CCDC171: variants seen among roughly 807,000 people sequenced by gnomAD.
CCDC171 encodes coiled-coil domain-containing protein 171.
In CCDC171, 177 loss-of-function variants were observed where a neutral mutation model predicts 168.2. That is an observed-to-expected ratio of 1.05 (90% CI 0.93 to 1.19). CCDC171 has a LOEUF of 1.19. CCDC171 is among the 50% of genes most tolerant of loss of function. The pLI is 0.00. For synonymous variants in CCDC171, 687 were observed against 540.8 expected, an observed-to-expected ratio of 1.27 and a Z score of -3.75; for missense variants, 1,991 against 1,539.0, an observed-to-expected ratio of 1.29 and a Z score of -4.91.
chr9:15,841,850 T>C (rs367774242), intron 21 of CCDC171, among the ~76,000 whole-genome samples: 2 of 152,044 alleles, frequency 1.3e-5, no homozygotes, highest in African/African-American at 4.8e-5. Context: ...TTTATGTTTA[T>C]AGTTTCTGTG....
intron 6 of CCDC171, among the ~76,000 whole-genome samples, chr9:15,613,554 C>G (rs191486608): frequency 1.4e-5 from 2 of 144,004 alleles, no homozygotes; most frequent in Admixed American, 7.0e-5. Context: ...GATGGAGTCT[C>G]GCTCTGTCGC....
intron 8 of CCDC171, among the ~76,000 whole-genome samples, chr9:15,661,667 T>C (rs912338690): frequency 3.3e-5 from 5 of 152,214 alleles, no homozygotes; most frequent in African/African-American, 2.4e-5. Flanking sequence ...GTTGAATATG[T>C]ATTTGAAATT....
chr9:15,600,357 C>G (rs1214281906), intron 6 of CCDC171, among the ~76,000 whole-genome samples: 1 of 152,168 alleles, frequency 6.6e-6, no homozygotes, highest in Non-Finnish European at 1.5e-5. Flanking sequence ...TTCTAACAGT[C>G]AGGACCCTTA....
At chr9:15,601,258 T>C (rs571724982) in intron 6 of CCDC171, among the ~76,000 whole-genome samples, 1 of 152,334 alleles carries the variant, frequency 6.6e-6, no homozygotes, top group Admixed American at 6.5e-5. Flanking sequence ...GAGCTGTTCC[T>C]ATTTGGCCAT....
chr9:15,935,836 A>G (rs1056836228), intron 25 of CCDC171, among the ~76,000 whole-genome samples: 15 of 152,254 alleles, frequency 9.9e-5, no homozygotes, highest in African/African-American at 3.6e-4. Context: ...CCTATAAGGC[A>G]AAAGCCTTAG....
downstream of CCDC171, among the ~76,000 whole-genome samples, chr9:15,978,179 GTAAATGCTTCTGTGGTTACAGA>G (rs1831678817): frequency 6.6e-6 from 1 of 152,142 alleles, no homozygotes; most frequent in African/African-American, 2.4e-5. Flanking sequence ...TGAACTCATT[GTAAATGCTTCTGTGGTTACAGA>G]AGCACCACTT....
intron 3 of CCDC171, among the ~76,000 whole-genome samples, chr9:16,015,969 T>A (rs1250788583): frequency 2.6e-5 from 4 of 152,230 alleles, no homozygotes; most frequent in Non-Finnish European, 5.9e-5. Context: ...TAAGGCTGAA[T>A]AATATCCCAT....
At chr9:15,909,606 G>A (rs1279969565) in intron 24 of CCDC171, among the ~76,000 whole-genome samples, 1 of 152,108 alleles carries the variant, frequency 6.6e-6, no homozygotes, top group Non-Finnish European at 1.5e-5. Flanking sequence ...GATTTTATTG[G>A]AGTCACAGTT....
intron 6 of CCDC171, among the ~76,000 whole-genome samples, chr9:16,034,785 A>G (rs1336495855): frequency 2.6e-5 from 4 of 152,170 alleles, no homozygotes; most frequent in African/African-American, 7.2e-5. Context: ...TGGCACTACA[A>G]TCATGTTTTT....
chr9:15,699,079 G>A (rs2051460059), intron 11 of CCDC171, among the ~76,000 whole-genome samples: 1 of 119,618 alleles, frequency 8.4e-6, no homozygotes, highest in Non-Finnish European at 2.0e-5. Flanking sequence ...GTGGACCCTT[G>A]CGGTGAGCGT....
At chr9:16,027,726 A>T (rs1272223684) in intron 6 of CCDC171, among the ~76,000 whole-genome samples, 1 of 152,282 alleles carries the variant, frequency 6.6e-6, no homozygotes, top group South Asian at 2.1e-4. Flanking sequence ...TTCAGTGGGT[A>T]ATCATCAGGG....
chr9:16,102,634 T>A, the CCDC171 span, among the ~76,000 whole-genome samples: 1 of 152,180 alleles, frequency 6.6e-6, no homozygotes, highest in African/African-American at 2.4e-5. Flanking sequence ...GAAACTCGGA[T>A]ATCTTTTTTA....
At chr9:15,590,785 CTTTCTTTCTTTCTTTCTT>C (rs1374691454) in intron 4 of CCDC171, among the ~76,000 whole-genome samples, 7 of 61,320 alleles carry the variant, frequency 1.1e-4, no homozygotes, top group African/African-American at 2.5e-4. Flanking sequence ...TTCTTTCTTT[CTTTCTTTCTTTCTTTCTT>C]TCTTTCTTTC....
At chr9:15,807,912 A>T (rs563133470) in intron 21 of CCDC171, among the ~76,000 whole-genome samples, 4 of 151,390 alleles carry the variant, frequency 2.6e-5, no homozygotes, top group African/African-American at 9.7e-5. Flanking sequence ...AGATGATTTT[A>T]TGGCTCCTCT....
intron 7 of CCDC171, among the ~76,000 whole-genome samples, chr9:15,633,070 T>A (rs2132333812): frequency 6.6e-6 from 1 of 152,240 alleles, no homozygotes; most frequent in Non-Finnish European, 1.5e-5. Context: ...ATAGAAACCC[T>A]ATAGGAAAAC....
At chr9:15,943,467 T>A (rs1827949167) in intron 25 of CCDC171, among the ~76,000 whole-genome samples, 1 of 151,986 alleles carries the variant, frequency 6.6e-6, no homozygotes, top group African/African-American at 2.4e-5. Flanking sequence ...CAATTAAACA[T>A]ATAATAGCAA....
chr9:15,674,467 G>C (rs1243771363), intron 9 of CCDC171, among the ~76,000 whole-genome samples: 1 of 152,104 alleles, frequency 6.6e-6, no homozygotes, highest in Non-Finnish European at 1.5e-5. Context: ...GTCGATTGTA[G>C]ATCTTTCTTG....
chr9:15,915,948 TC>T (rs1486715444), intron 24 of CCDC171, among the ~76,000 whole-genome samples: 1 of 152,136 alleles, frequency 6.6e-6, no homozygotes, highest in Non-Finnish European at 1.5e-5. Context: ...ATCCTTGCAT[TC>T]CTGCAGTAAA....
At chr9:16,087,102 T>C in the CCDC171 span, among the ~76,000 whole-genome samples, 1 of 152,232 alleles carries the variant, frequency 6.6e-6, no homozygotes, top group Non-Finnish European at 1.5e-5. Context: ...AGACTGTTTG[T>C]TACAATTTCC....
Sources: gnomAD v4.1 joint callset for allele counts (sites outside exome capture counted in the v4.1 genomes callset) on GRCh38, gnomAD v4.1.1 for gene constraint, MANE v1.5 for transcripts, NCBI Gene and HGNC (gene_info 2026-07-23, HGNC 2026-07-21) for gene names.